The following ODR4 variants were observed in gnomAD, a reference collection of about 807,000 sequenced individuals.
ODR4 encodes protein odr-4 homolog.
A neutral mutation model predicts 60.2 loss-of-function variants in ODR4; 47 were observed. That is an observed-to-expected ratio of 0.78 (90% confidence interval 0.62 to 1.00). The LOEUF is 1.00. Among genes scored for constraint, ODR4 ranks in the 50% least tolerant of loss-of-function variants. The pLI, the probability that ODR4 is intolerant of heterozygous loss-of-function variation, is 0.00. For synonymous variants in ODR4, 178 were observed against 175.5 expected, an observed-to-expected ratio of 1.01 and a Z score of -0.11; for missense variants, 488 against 530.8, an observed-to-expected ratio of 0.92 and a Z score of 0.79.
At chr1:186,400,930 T>C (rs1660918670) in intron 11 of ODR4, 1 of 995,614 alleles carries the variant, frequency 1.0e-6, no homozygotes. Flanking sequence ...AGTGTGGCTT[T>C]GTTTTTGCAA....
intron 12 of ODR4, 145 bp from the exon 13 acceptor site, chr1:186,417,399 A>G (rs1661613455): frequency 1.6e-6 from 1 of 627,102 alleles, no homozygotes; most frequent in African/African-American, 1.9e-5. Context: ...TACAATTGAT[A>G]ATGAACAAAT....
intron 1 of ODR4, among the ~76,000 whole-genome samples, chr1:186,377,897 T>C (rs573516494): frequency 6.6e-6 from 1 of 152,122 alleles, no homozygotes; most frequent in African/African-American, 2.4e-5. Context: ...TACAAAAAAT[T>C]AGCCGAGTGT....
At chr1:186,392,954 G>A (rs1010377062) in intron 8 of ODR4, among the ~76,000 whole-genome samples, 20 of 152,190 alleles carry the variant, frequency 1.3e-4, no homozygotes, top group African/African-American at 4.3e-4. Flanking sequence ...GCATTGAGCC[G>A]AGATCGTGCC....
intron 8 of ODR4, among the ~76,000 whole-genome samples, chr1:186,393,488 C>T (rs922797074): frequency 2.6e-5 from 4 of 152,114 alleles, no homozygotes; most frequent in Non-Finnish European, 5.9e-5. Context: ...ATAGCTTTGA[C>T]CTGAAGGAAG....
chr1:186,382,113 G>T (rs903691749), intron 2 of ODR4, among the ~76,000 whole-genome samples: 1 of 151,958 alleles, frequency 6.6e-6, no homozygotes, highest in African/African-American at 2.4e-5. Context: ...TGATATTACA[G>T]CTGAAGAACA....
intron 5 of ODR4, 79 bp downstream of exon 5, chr1:186,388,627 T>A: frequency 2.5e-6 from 2 of 791,676 alleles, no homozygotes; most frequent in Non-Finnish European, 3.8e-6. Flanking sequence ...GCTATTTATT[T>A]AAATCATCAT....
chr1:186,387,395 T>A (rs1479322202), intron 4 of ODR4, among the ~76,000 whole-genome samples: 1 of 152,232 alleles, frequency 6.6e-6, no homozygotes, highest in Non-Finnish European at 1.5e-5. Flanking sequence ...GTGCAACCTT[T>A]TTTGGCTGGT....
chr1:186,402,520 C>G (rs1460449033), intron 11 of ODR4, among the ~76,000 whole-genome samples: 1 of 151,896 alleles, frequency 6.6e-6, no homozygotes, highest in Non-Finnish European at 1.5e-5. Context: ...CTGCCTCAGC[C>G]TCCTGAGTAG....
chr1:186,408,969 A>G (rs921874320), intron 12 of ODR4, among the ~76,000 whole-genome samples: 7 of 151,930 alleles, frequency 4.6e-5, no homozygotes, highest in Non-Finnish European at 8.8e-5. Context: ...CTAGTTTAAG[A>G]CTGTTTTATT....
intron 11 of ODR4, among the ~76,000 whole-genome samples, chr1:186,403,641 A>C (rs1232908967): frequency 6.6e-6 from 1 of 152,066 alleles, no homozygotes; most frequent in Non-Finnish European, 1.5e-5. Flanking sequence ...TATCCAGATA[A>C]AAGAACTTAG....
intron 3 of ODR4, among the ~76,000 whole-genome samples, chr1:186,385,461 G>A (rs116485698): frequency 6.6e-6 from 1 of 151,580 alleles, no homozygotes; most frequent in African/African-American, 2.4e-5. Flanking sequence ...GTTCAGAGAT[G>A]AAAAGATCAG....
At chr1:186,388,646 T>C (rs1259838359) in intron 5 of ODR4, 98 bp downstream of exon 5, 14 of 640,608 alleles carry the variant, frequency 2.2e-5, no homozygotes, top group East Asian at 2.0e-4. Flanking sequence ...ATTTAAAAAA[T>C]AGGCATAGTT....
rs757628825 is a variant in ODR4, at chr1:186,383,083, G to C, written c.161G>C (p.Ser54Thr). 1.3e-6 allele frequency: 2 copies of C among 1,571,586 alleles called. No homozygotes were observed. Among genetic ancestry groups the C allele is most frequent in the Non-Finnish European group, 1.7e-6 (2 of 1,157,310 alleles). ...ATRTPPKEEQ[S>T]ENLKHPKAKL... ...AGAACGCCACCCAAAGAGGAGCAAA[G>C]TGAGAACCTCAAACATCCCAAAGCT... The change falls in exon 3 of 14, where the codon AGT (serine) becomes ACT (threonine). Residue 54 changes from serine (S) to threonine (T), a missense_variant. Coordinates refer to ENST00000287859, the MANE Select transcript of ODR4 (RefSeq NM_017847.6).
chr1:186,377,143 C>A (rs1252875796), intron 1 of ODR4, among the ~76,000 whole-genome samples: 1 of 152,076 alleles, frequency 6.6e-6, no homozygotes, highest in African/African-American at 2.4e-5. Flanking sequence ...ACTTATAATA[C>A]CTAATACAAT....
Position 186,419,015 on chromosome 1 carries a change from T to C in ODR4, c.1304T>C (p.Ile435Thr), listed in dbSNP as rs749145288. The change falls in exon 14 of 14, where the codon ATT (isoleucine) becomes ACT (threonine). Residue 435 changes from isoleucine (I) to threonine (T), a missense_variant. Coordinates refer to ENST00000287859, the MANE Select transcript of ODR4 (RefSeq NM_017847.6). The stretch of plus-strand genomic sequence containing the variant: ...GTGTTTGTTTTACTTTTAGGTGTGA[T>C]TGCAGCATTTACAGTTGCAGTCCTT... ...LLKIQQNIGV[I>T]AAFTVAVLAA... 22 of 1,606,674 alleles carry C rather than the reference T, an allele frequency of 1.4e-5. No individual in the cohort carries two copies. Among genetic ancestry groups the C allele is most frequent in the Non-Finnish European group, 1.9e-5 (22 of 1,176,186 alleles).
intron 3 of ODR4, among the ~76,000 whole-genome samples, chr1:186,384,581 A>T (rs912729670): frequency 4.6e-5 from 7 of 151,746 alleles, no homozygotes; most frequent in African/African-American, 1.2e-4. Context: ...TGACACACAC[A>T]CACACACACA....
rs114854126 is a variant in ODR4 at position 186,396,939 on chromosome 1, C to T, written c.781-1374C>T. The stretch of plus-strand genomic sequence containing the variant: ...AAGCCTGTTACTCCTCCTCCAACCC[C>T]ACCTTATTGATGTATCAATGAACTC... On this transcript the variant is annotated intron_variant, in intron 9 of 13. Transcript: ENST00000287859. 7.5e-3 allele frequency among the ~76,000 whole-genome samples: 1,136 copies of T among 152,208 alleles called. 19 individuals are homozygous for T. Among genetic ancestry groups the T allele is most frequent in the African/African-American group, 0.025 (1,031 of 41,528 alleles).
chr1:186,425,350 C>A (rs1423093999), downstream of ODR4, among the ~76,000 whole-genome samples: 4 of 152,230 alleles, frequency 2.6e-5, 1 homozygote, highest in East Asian at 7.7e-4. Flanking sequence ...ATGAGAGGTA[C>A]ATAGCAGTGA....
chr1:186,398,901 A>G, intron 10 of ODR4, 53 bp from the exon 11 acceptor site: 2 of 1,306,538 alleles, frequency 1.5e-6, no homozygotes, highest in Non-Finnish European at 2.1e-6. Context: ...TAAATATTGT[A>G]AATCTAAAGT....
Sources: allele counts gnomAD v4.1 joint callset (sites outside exome capture counted in the v4.1 genomes callset), GRCh38; gene constraint gnomAD v4.1.1; transcripts MANE v1.5; gene names NCBI Gene and HGNC (gene_info 2026-07-23, HGNC 2026-07-21).